The following COL23A1 variants were observed in gnomAD, a reference collection of about 807,000 sequenced individuals.
COL23A1 encodes the protein collagen type XXIII alpha 1 chain, also known as collagen alpha-1(XXIII) chain.
Under a neutral mutation model 99.3 loss-of-function variants are expected in COL23A1, and 97 were observed. The observed-to-expected ratio is 0.98, with a 90% CI of 0.83 to 1.16. The LOEUF (loss-of-function observed/expected upper bound fraction) is 1.16, where lower values mean the gene tolerates loss of function less well. Ranked by LOEUF, COL23A1 falls within the 50% of genes most tolerant of loss-of-function variation. The pLI, the probability that COL23A1 is intolerant of heterozygous loss-of-function variation, is 0.00. For synonymous variants in COL23A1, 320 were observed against 308.2 expected, an observed-to-expected ratio of 1.04 and a Z score of -0.40; for missense variants, 762 against 757.4, an observed-to-expected ratio of 1.01 and a Z score of -0.07.
intron 2 of COL23A1, among the ~76,000 whole-genome samples, chr5:178,312,335 A>G (rs950840326): frequency 2.0e-5 from 3 of 152,210 alleles, no homozygotes; most frequent in Admixed American, 6.5e-5. Context: ...TCGTTGCCCA[A>G]TGACTCTGGA....
At chr5:178,423,264 G>A (rs1171000392) in intron 2 of COL23A1, among the ~76,000 whole-genome samples, 2 of 152,084 alleles carry the variant, frequency 1.3e-5, no homozygotes, top group African/African-American at 2.4e-5. Context: ...GAGTTACAGG[G>A]ATGAAGCACT....
chr5:178,460,495 C>T (rs1056702810), intron 2 of COL23A1, among the ~76,000 whole-genome samples: 2 of 152,032 alleles, frequency 1.3e-5, no homozygotes, highest in African/African-American at 4.8e-5. Flanking sequence ...GAAACATCAT[C>T]TGGGCTCTCA....
chr5:178,547,933 ACACCCACCC>A (rs1761774690), intron 2 of COL23A1, among the ~76,000 whole-genome samples: 1 of 38,804 alleles, frequency 2.6e-5, no homozygotes, highest in Non-Finnish European at 4.6e-5. Context: ...ACTTACACCC[ACACCCACCC>A]CCCACACACA....
At chr5:178,388,848 C>CT (rs1763806872) in intron 2 of COL23A1, among the ~76,000 whole-genome samples, 1 of 152,244 alleles carries the variant, frequency 6.6e-6, no homozygotes, top group South Asian at 2.1e-4. Flanking sequence ...AGGGAGTTTA[C>CT]TGCAGGACTT....
At chr5:178,327,233 C>A (rs1046845604) in intron 2 of COL23A1, among the ~76,000 whole-genome samples, 6 of 152,220 alleles carry the variant, frequency 3.9e-5, no homozygotes, top group African/African-American at 1.4e-4. Context: ...CCAGTTCCTG[C>A]CCTTGAGTAG....
chr5:178,478,439 C>T (rs1757146828), intron 2 of COL23A1, among the ~76,000 whole-genome samples: 1 of 152,218 alleles, frequency 6.6e-6, no homozygotes, highest in African/African-American at 2.4e-5. Context: ...ATACAACCTA[C>T]ATGTCACTTC....
chr5:178,343,824 C>G (rs1175723028), intron 2 of COL23A1, among the ~76,000 whole-genome samples: 1 of 151,864 alleles, frequency 6.6e-6, no homozygotes, highest in African/African-American at 2.4e-5. Context: ...CACCACGGCC[C>G]ACTAATTTTT....
In COL23A1 at chr5:178,322,116, C is replaced by T. The variant is rs553746042; in HGVS notation, c.362-15197G>A. On this transcript the variant is annotated intron_variant, in intron 2 of 28. Transcript: ENST00000390654. ...CAAGCGATTCTCCTGCCTCAGCCTCCCAAGTAGCTGGGACTATAGGCACCC... is the reference window on the plus strand; with the variant it reads ...CAAGCGATTCTCCTGCCTCAGCCTCTCAAGTAGCTGGGACTATAGGCACCC... Among the ~76,000 whole-genome samples, 8 of 152,214 alleles carry T rather than the reference C, an allele frequency of 5.3e-5. No homozygotes were observed. The South Asian group carries it at 1.7e-3, about 32-fold the overall frequency.
chr5:178,318,042 G>A (rs779560321), intron 2 of COL23A1, among the ~76,000 whole-genome samples: 18 of 152,164 alleles, frequency 1.2e-4, no homozygotes, highest in Non-Finnish European at 1.0e-4. Flanking sequence ...TGAGATTTGG[G>A]TGGGGACACA....
chr5:178,367,113 C>T (rs746644384), intron 2 of COL23A1, among the ~76,000 whole-genome samples: 2 of 152,204 alleles, frequency 1.3e-5, no homozygotes, highest in Admixed American at 6.5e-5. Flanking sequence ...GTTGCGGTCA[C>T]GTCAGACATT....
chr5:178,461,321 C>T lies in COL23A1; in HGVS notation c.361+99361G>A, dbSNP rs577815983. ...CTGTTTCCACCACAAGGGGCAGCCG[C>T]GGCAAAGACAGGCCCATCACCCACA... On this transcript the variant is annotated intron_variant, in intron 2 of 28. Transcript: ENST00000390654. 5.3e-5 allele frequency among the ~76,000 whole-genome samples: 8 copies of T among 152,308 alleles called. No homozygotes were observed. The East Asian group carries it at 1.4e-3, about 26-fold the overall frequency.
chr5:178,259,775 G>C, intron 11 of COL23A1, 28 bp from the exon 12 acceptor site: 1 of 1,595,968 alleles, frequency 6.3e-7, no homozygotes, highest in Non-Finnish European at 8.6e-7. Flanking sequence ...GGGTTCAAGA[G>C]CAAGGTCAAA....
At chr5:178,512,759 G>A (rs1319548567) in intron 2 of COL23A1, among the ~76,000 whole-genome samples, 2 of 152,186 alleles carry the variant, frequency 1.3e-5, no homozygotes, top group Non-Finnish European at 2.9e-5. Flanking sequence ...CTTCCACGCA[G>A]CCCCAAGCAG....
At chr5:178,333,542 G>A (rs931117736) in intron 2 of COL23A1, among the ~76,000 whole-genome samples, 3 of 152,098 alleles carry the variant, frequency 2.0e-5, no homozygotes, top group African/African-American at 4.8e-5. Context: ...ATGCCTGTGC[G>A]GCCTGGTCCC....
chr5:178,256,967 CGGCACGT>C (rs767802437), intron 13 of COL23A1, 39 bp from the exon 14 acceptor site: 5 of 1,597,364 alleles, frequency 3.1e-6, no homozygotes, highest in Non-Finnish European at 4.3e-6. Flanking sequence ...AAGTGTGAGA[CGGCACGT>C]GGCGGGTGCC....
intron 2 of COL23A1, among the ~76,000 whole-genome samples, chr5:178,377,522 T>C (rs1006150257): frequency 5.3e-5 from 8 of 152,206 alleles, no homozygotes; most frequent in Non-Finnish European, 1.0e-4. Flanking sequence ...CCTGGGCCTT[T>C]TGCCTTTTCT....
At chr5:178,585,185 C>A (rs1420173561) in intron 1 of COL23A1, among the ~76,000 whole-genome samples, 1 of 152,190 alleles carries the variant, frequency 6.6e-6, no homozygotes, top group Non-Finnish European at 1.5e-5. Flanking sequence ...AGAAGGAAGG[C>A]CCAGTTATGA....
intron 2 of COL23A1, among the ~76,000 whole-genome samples, chr5:178,443,637 T>C (rs1767003933): frequency 6.6e-6 from 1 of 151,516 alleles, no homozygotes; most frequent in Admixed American, 6.6e-5. Flanking sequence ...TTTTTTTTTT[T>C]CGTACAGACG....
At chr5:178,361,611 C>T (rs899581498) in intron 2 of COL23A1, among the ~76,000 whole-genome samples, 2 of 152,076 alleles carry the variant, frequency 1.3e-5, no homozygotes, top group Admixed American at 6.5e-5. Flanking sequence ...CCCTACAGGA[C>T]TCATGTTTTC....
Sources: allele counts gnomAD v4.1 joint callset (sites outside exome capture counted in the v4.1 genomes callset), GRCh38; gene constraint gnomAD v4.1.1; transcripts MANE v1.5; gene names NCBI Gene and HGNC (gene_info 2026-07-23, HGNC 2026-07-21).